The following GBE1 variants were observed in gnomAD, a reference collection of about 807,000 sequenced individuals.
GBE1 encodes 1,4-alpha-glucan branching enzyme 1, also known as 1,4-alpha-glucan-branching enzyme.
A neutral mutation model predicts 88.8 loss-of-function variants in GBE1; 70 were observed. That is an observed-to-expected ratio of 0.79 (90% CI 0.65 to 0.96). The LOEUF is 0.96. GBE1 is among the 40% of genes least tolerant of loss of function. GBE1 has a pLI of 0.00. For synonymous variants in GBE1, 284 were observed against 300.1 expected (o/e 0.95, Z 0.56); for missense variants, 872 against 871.0 (o/e 1.00, Z -0.01).
At chr3:81,713,778 T>A (rs1463233594) in intron 1 of GBE1, among the ~76,000 whole-genome samples, 1 of 152,166 alleles carries the variant, frequency 6.6e-6, no homozygotes, top group East Asian at 1.9e-4. Flanking sequence ...ACATTTCCAA[T>A]CTGTATTCAA....
intron 3 of GBE1, among the ~76,000 whole-genome samples, chr3:81,664,491 T>C (rs1559680765): frequency 7.0e-6 from 1 of 143,114 alleles, no homozygotes; most frequent in Non-Finnish European, 1.5e-5. Flanking sequence ...ATAGTACAGA[T>C]ATGTCCAAAC....
chr3:81,597,504 T>C (rs1173684687), intron 7 of GBE1, among the ~76,000 whole-genome samples: 4 of 146,552 alleles, frequency 2.7e-5, no homozygotes, highest in Non-Finnish European at 6.0e-5. Context: ...TATATATATA[T>C]ATCTCATTGG....
chr3:81,497,794 A>G (rs1296785499), intron 15 of GBE1, among the ~76,000 whole-genome samples: 2 of 152,182 alleles, frequency 1.3e-5, no homozygotes, highest in Non-Finnish European at 2.9e-5. Flanking sequence ...GAGCTGAATC[A>G]TCTTTCCTAA....
intron 2 of GBE1, among the ~76,000 whole-genome samples, chr3:81,688,692 A>G (rs956477929): frequency 6.6e-6 from 1 of 152,108 alleles, no homozygotes; most frequent in Non-Finnish European, 1.5e-5. Flanking sequence ...TTCAATTACT[A>G]TGGGTCACTA....
intron 7 of GBE1, among the ~76,000 whole-genome samples, chr3:81,631,727 C>A (rs1268200675): frequency 1.4e-5 from 2 of 143,268 alleles, no homozygotes; most frequent in African/African-American, 2.7e-5. Context: ...AGCCTGGCAA[C>A]AGAGCAAGAC....
At chr3:81,684,250 G>A (rs968592127) in intron 2 of GBE1, among the ~76,000 whole-genome samples, 1 of 152,124 alleles carries the variant, frequency 6.6e-6, no homozygotes, top group African/African-American at 2.4e-5. Flanking sequence ...TCTATGACAC[G>A]TATACAACAA....
intron 11 of GBE1, 117 bp from the exon 12 acceptor site, chr3:81,578,213 G>T: frequency 1.4e-6 from 1 of 692,712 alleles, no homozygotes; most frequent in Non-Finnish European, 2.2e-6. Flanking sequence ...GAGGTGTGTA[G>T]ATTAATATTA....
intron 3 of GBE1, among the ~76,000 whole-genome samples, chr3:81,662,903 C>A (rs561184562): frequency 8.5e-5 from 13 of 152,214 alleles, no homozygotes; most frequent in East Asian, 7.7e-4. Context: ...GGTTAATGAA[C>A]TCATATAAGA....
At chr3:81,700,712 A>G (rs1303069192) in intron 2 of GBE1, among the ~76,000 whole-genome samples, 1 of 152,186 alleles carries the variant, frequency 6.6e-6, no homozygotes, top group African/African-American at 2.4e-5. Flanking sequence ...TATAGACAAA[A>G]CTGGCCCAAA....
At chr3:81,609,481 T>C (rs1348978537) in intron 7 of GBE1, among the ~76,000 whole-genome samples, 2 of 152,152 alleles carry the variant, frequency 1.3e-5, no homozygotes, top group Non-Finnish European at 2.9e-5. Flanking sequence ...ACGGAAAATA[T>C]ACCAATGATT....
chr3:81,581,032 CACACAT>C, intron 11 of GBE1, 127 bp downstream of exon 11: 1 of 548,764 alleles, frequency 1.8e-6, no homozygotes, highest in Non-Finnish European at 3.2e-6. Flanking sequence ...AATACACACA[CACACAT>C]ACACACATTA....
intron 12 of GBE1, among the ~76,000 whole-genome samples, chr3:81,557,903 A>G (rs1703368786): frequency 6.6e-6 from 1 of 151,988 alleles, no homozygotes; most frequent in Non-Finnish European, 1.5e-5. Flanking sequence ...GAGGAGTCAA[A>G]CTGAACCAAG....
chr3:81,531,609 C>T (rs2106864127), intron 14 of GBE1, among the ~76,000 whole-genome samples: 1 of 151,794 alleles, frequency 6.6e-6, no homozygotes, highest in Middle Eastern at 3.4e-3. Flanking sequence ...TAGGGTGGGT[C>T]TAGAAATGTC....
intron 7 of GBE1, among the ~76,000 whole-genome samples, chr3:81,596,129 T>C (rs1012316386): frequency 3.9e-5 from 6 of 151,954 alleles, no homozygotes; most frequent in Admixed American, 3.3e-4. Context: ...GAGTAAACTA[T>C]GTAGGACAAA....
intron 12 of GBE1, among the ~76,000 whole-genome samples, chr3:81,543,726 A>C (rs1240141005): frequency 6.6e-6 from 1 of 152,138 alleles, no homozygotes; most frequent in Non-Finnish European, 1.5e-5. Context: ...GCTGTGTATA[A>C]GGGCTACTGT....
chr3:81,755,044 A>C lies in GBE1; in HGVS notation c.143+6331T>G, dbSNP rs142410818. 6.9e-3 allele frequency among the ~76,000 whole-genome samples: 1,045 copies of C among 152,300 alleles called. 11 individuals carry two copies. Among genetic ancestry groups the C allele is most frequent in the African/African-American group, 0.024 (992 of 41,558 alleles). ...AATCAACAAAGTAAACAGACAACCC[A>C]TAGAATAGGAGAAAATATCTGCAAA... On this transcript the variant is annotated intron_variant, in intron 1 of 15. Coordinates refer to ENST00000429644, the MANE Select transcript of GBE1 (RefSeq NM_000158.4).
Position 81,713,436 on chromosome 3 carries a change from A to G in GBE1, c.144-7823T>C, listed in dbSNP as rs894219215. Among the ~76,000 whole-genome samples the G allele has an allele frequency of 5.9e-5, 9 of 152,372 alleles. No homozygotes were observed. The East Asian group carries it at 7.7e-4, about 13-fold the overall frequency. On this transcript the variant is annotated intron_variant, in intron 1 of 15. Coordinates refer to ENST00000429644, the MANE Select transcript of GBE1 (RefSeq NM_000158.4). Reference sequence around the variant, plus strand: ...GAAAAAGATTGTCTGCAATCAGATAATAAGTGGAATAAAACATAAAATCCT... The same window carrying G: ...GAAAAAGATTGTCTGCAATCAGATAGTAAGTGGAATAAAACATAAAATCCT...
At chr3:81,555,401 T>C (rs1703333470) in intron 12 of GBE1, among the ~76,000 whole-genome samples, 1 of 152,184 alleles carries the variant, frequency 6.6e-6, no homozygotes, top group African/African-American at 2.4e-5. Context: ...TTTGTACATC[T>C]ACAGGAGACA....
At chr3:81,612,268 A>G (rs574732895) in intron 7 of GBE1, 2 of 614,894 alleles carry the variant, frequency 3.3e-6, no homozygotes, top group Non-Finnish European at 2.5e-6. Context: ...CTGGTTCCTC[A>G]TGTTGCCTCT....
Sources: gnomAD v4.1 joint callset for allele counts (sites outside exome capture counted in the v4.1 genomes callset) on GRCh38, gnomAD v4.1.1 for gene constraint, MANE v1.5 for transcripts, NCBI Gene and HGNC (gene_info 2026-07-23, HGNC 2026-07-21) for gene names.